Variants in CD1E observed in about 807,000 individuals in gnomAD.
CD1E encodes CD1e molecule.
CD1E carries 49 observed loss-of-function variants against 40.1 expected under a neutral mutation model. That is an observed-to-expected ratio of 1.22 (90% CI 0.97 to 1.55). CD1E has a LOEUF of 1.55. Among genes scored for constraint, CD1E ranks in the 40% most tolerant of loss-of-function variants. The pLI is 0.00. For missense variants in CD1E, 492 were observed against 471.3 expected, an observed-to-expected ratio of 1.04 and a Z score of -0.41; for synonymous variants, 189 against 178.3, an observed-to-expected ratio of 1.06 and a Z score of -0.48.
At position 158,355,587 on chromosome 1, in the gene CD1E, T is replaced by C. The variant is rs1275834990; in HGVS notation, c.625+18T>C. The C allele has an allele frequency of 3.1e-6, 5 of 1,610,348 alleles. No individual in the cohort carries two copies. Among genetic ancestry groups the C allele is most frequent in the Admixed American group, 1.7e-5 (1 of 59,652 alleles). ...ACGGAAAGGTGAGCCCAACTCTCTC[T>C]CTCCCCTCTTGTTCCTAGTACTATA... is the stretch of plus-strand genomic sequence containing the variant. On this transcript the variant is annotated intron_variant, in intron 3 of 5. Transcript: ENST00000368167.
Position 158,355,417 on chromosome 1 carries a change from C to A in CD1E, c.473C>A (p.Ser158Tyr), listed in dbSNP as rs1412585250. Reference sequence around the variant, plus strand: ...TTCCAAGGAATTTCCTGGGAGCCATCTCCAGGAGCAGGGATCCGGGCCCAG... The same window carrying A: ...TTCCAAGGAATTTCCTGGGAGCCATATCCAGGAGCAGGGATCCGGGCCCAG... Reference protein sequence around the residue: ...LSFQGISWEPSPGAGIRAQNI... With the variant: ...LSFQGISWEPYPGAGIRAQNI... The change falls in exon 3 of 6, where the codon TCT becomes TAT. Residue 158 changes from serine (S) to tyrosine (Y), a missense_variant. Transcript: ENST00000368167. 6.2e-7 allele frequency: 1 copy of A among 1,614,106 alleles called. No homozygotes were observed. Among genetic ancestry groups the A allele is most frequent in the Non-Finnish European group, 8.5e-7 (1 of 1,180,010 alleles).
Position 158,355,292 on chromosome 1 carries a change from A to C in CD1E, c.356-8A>C. 1 of 1,611,584 alleles carries C rather than the reference A, an allele frequency of 6.2e-7. No individual in the cohort carries two copies. The highest frequency in any genetic ancestry group is 8.5e-7 in the Non-Finnish European group (1 of 1,178,472). On this transcript the variant is annotated splice_polypyrimidine_tract_variant and splice_region_variant and intron_variant, in intron 2 of 5. Coordinates refer to ENST00000368167, the MANE Select transcript of CD1E (RefSeq NM_030893.4). Reference sequence around the variant, plus strand: ...CCATAATGATCTCTCTTCCCTGTCCACTCTCAGACCCCTTCGAGATCCAGA... The same window carrying C: ...CCATAATGATCTCTCTTCCCTGTCCCCTCTCAGACCCCTTCGAGATCCAGA...
At chr1:158,354,780 T>G in intron 2 of CD1E, 107 bp downstream of exon 2, 1 of 960,262 alleles carries the variant, frequency 1.0e-6, no homozygotes, top group Non-Finnish European at 1.5e-6. Context: ...ACTAACCTTG[T>G]TCCCCACTCT....
intron 1 of CD1E, 44 bp downstream of exon 1, chr1:158,354,090 G>C (rs753251534): frequency 6.5e-7 from 1 of 1,535,852 alleles, no homozygotes; most frequent in South Asian, 1.1e-5. Context: ...TAGGGCACCA[G>C]AGGGCTGAGA....
chr1:158,354,505 C>T lies in CD1E; in HGVS notation c.187C>T (p.Gln63Ter). The change falls in exon 2 of 6, where the codon CAG becomes TAG. Residue 63 changes from glutamine (Q) to a stop codon, truncating the protein, a stop_gained. Transcript: ENST00000368167. LOFTEE classifies it high-confidence loss of function. ...GGGCTCAGGATGGCTGGGTGACCTG[C>T]AGACTCATGGCTGGGACACTGTCTT... ...SEGSGWLGDL[Q>*]THGWDTVLGT... The T allele has an allele frequency of 6.2e-7, 1 of 1,614,130 alleles. No individual in the cohort carries two copies. Among genetic ancestry groups the T allele is most frequent in the Non-Finnish European group, 8.5e-7 (1 of 1,180,020 alleles).
In CD1E at chr1:158,357,053, T is replaced by A. The variant is rs1653798442; in HGVS notation, c.*157T>A. ...TTCCCCATCTTCCAGAGATTTTTTT[T>A]TTCCTGCTTTGGCTACATATCCATC... On this transcript the variant is annotated 3_prime_UTR_variant, in exon 6 of 6. Transcript: ENST00000368167. The A allele has an allele frequency of 1.6e-6, 1 of 606,244 alleles. No individual in the cohort carries two copies. Among genetic ancestry groups the A allele is most frequent in the Non-Finnish European group, 2.9e-6 (1 of 350,176 alleles). 37.6% of individuals were successfully genotyped at this position (606,244 alleles called of 1,614,324 possible).
Position 158,356,546 on chromosome 1 carries a change from C to A in CD1E, c.953C>A (p.Thr318Asn). ...CTGATCTGTTTGACTGTGATAGTTACCCTGGTCATATTGGTTGTAGTTGAC... is the reference window on the plus strand; with the variant it reads ...CTGATCTGTTTGACTGTGATAGTTAACCTGGTCATATTGGTTGTAGTTGAC... ...LILICLTVIV[T>N]LVILVVVDSR... is the part of the protein sequence containing the mutation. Residue 318 changes from threonine to asparagine, a missense_variant, in exon 5 of 6, where the codon ACC (threonine) becomes AAC (asparagine). Transcript: ENST00000368167. 6.2e-7 allele frequency: 1 copy of A among 1,613,812 alleles called. No homozygotes were observed.
In CD1E at chr1:158,356,824, C is replaced by T; in HGVS notation, c.1095C>T (p.Cys365=). The change falls in exon 6 of 6, where the codon TGC becomes TGT. Residue 365 remains cysteine, a synonymous_variant. Coordinates refer to ENST00000368167, the MANE Select transcript of CD1E (RefSeq NM_030893.4). Reference sequence around the variant, plus strand: ...CCAAGAATTCAAGACATCAGTTCTGCTTGGCACAAGTATCGTGGATCAAAA... The same window carrying T: ...CCAAGAATTCAAGACATCAGTTCTGTTTGGCACAAGTATCGTGGATCAAAA... The part of the protein sequence containing the change: ...QDTKNSRHQF[C]LAQVSWIKNR... 2 of 1,614,056 alleles carry T rather than the reference C, an allele frequency of 1.2e-6. No homozygotes were observed. Among genetic ancestry groups the T allele is most frequent in the Non-Finnish European group, 1.7e-6 (2 of 1,180,004 alleles).
chr1:158,356,289 A>T (rs1160869401), intron 4 of CD1E, 184 bp downstream of exon 4: 1 of 805,002 alleles, frequency 1.2e-6, no homozygotes, highest in Non-Finnish European at 1.9e-6. Context: ...AGAATTAGAC[A>T]TACTAACAGA....
In CD1E at chr1:158,354,463, AG is replaced by A; in HGVS notation, c.146del (p.Ser49ThrfsTer29). On this transcript the variant is annotated frameshift_variant, in exon 2 of 6. Coordinates refer to ENST00000368167, the MANE Select transcript of CD1E (RefSeq NM_030893.4). LOFTEE classifies it high-confidence loss of function. ...CCAAACTTCCTCCTTTGCCAACCAC[AG>A]CTGGGCACACAGTGAGGGCTCAGGA... is the stretch of plus-strand genomic sequence containing the variant. ...MLQTSSFANH[S>X]WAHSEGSGWL... 1 of 1,614,054 alleles carries A rather than the reference AG, an allele frequency of 6.2e-7. No individual in the cohort carries two copies. Among genetic ancestry groups the A allele is most frequent in the Non-Finnish European group, 8.5e-7 (1 of 1,179,996 alleles).
rs545733687 is a variant in CD1E at position 158,355,679 on chromosome 1, A to G, written c.625+110A>G. ...ACATAGTGAGAGACTAGAGAATGAG[A>G]TGTGTGGGTTCAGGACTGTTTCTTA... On this transcript the variant is annotated intron_variant, in intron 3 of 5. Transcript: ENST00000368167. The G allele has an allele frequency of 8.4e-6, 12 of 1,430,444 alleles. No homozygotes were observed. In the South Asian group the frequency reaches 1.5e-4, roughly 18 times the overall value. The allele number at this position is 1,430,444 out of a possible 1,614,324, so 88.6% of individuals were successfully genotyped here.
chr1:158,355,631 GC>G, intron 3 of CD1E, 62 bp downstream of exon 3: 1 of 1,537,212 alleles, frequency 6.5e-7, no homozygotes, highest in South Asian at 1.2e-5. Context: ...ATTTGAATTT[GC>G]CTCTCATCAT....
intron 4 of CD1E, 102 bp downstream of exon 4, chr1:158,356,207 G>A: frequency 1.5e-6 from 2 of 1,315,268 alleles, no homozygotes; most frequent in Admixed American, 2.3e-5. Flanking sequence ...TACAAGAAGG[G>A]TAAAACTGGG....
chr1:158,353,897 C>T lies in CD1E; in HGVS notation c.-92C>T, dbSNP rs1009757983. 15 of 988,674 alleles carry T rather than the reference C, an allele frequency of 1.5e-5. No homozygotes were observed. In the East Asian group the frequency reaches 2.2e-4, roughly 14 times the overall value. The allele number at this position is 988,674 out of a possible 1,614,324, so 61.2% of individuals were successfully genotyped here. ...TGTCTGTACAGCAAGGGAAGTCAGA[C>T]GAGAGTGCAAGAGGGTGTGGAGAGG... On this transcript the variant is annotated 5_prime_UTR_variant, in exon 1 of 6. In the 5' UTR this introduces an upstream ATG that the reference lacks. Transcript: ENST00000368167.
rs912153674 is a variant in CD1E at position 158,355,454 on chromosome 1, A to G, written c.510A>G (p.Lys170=). The G allele has an allele frequency of 1.2e-6, 2 of 1,614,132 alleles. No homozygotes were observed. The highest frequency in any genetic ancestry group is 1.7e-6 in the Non-Finnish European group (2 of 1,180,028). Residue 170 remains lysine (K), a synonymous_variant, in exon 3 of 6, where the codon AAA becomes AAG. Transcript: ENST00000368167. Reference sequence around the variant, plus strand: ...GGATCCGGGCCCAGAACATCTGTAAAGTGCTCAATCGCTACCTAGATATTA... The same window carrying G: ...GGATCCGGGCCCAGAACATCTGTAAGGTGCTCAATCGCTACCTAGATATTA... ...GAGIRAQNIC[K]VLNRYLDIKE...
In CD1E at chr1:158,356,495, C is replaced by T. The variant is rs377717173; in HGVS notation, c.905-3C>T. 4.2e-5 allele frequency: 68 copies of T among 1,601,224 alleles called. No individual in the cohort carries two copies. The highest frequency in any genetic ancestry group is 5.8e-5 in the Non-Finnish European group (68 of 1,169,192). ...TTGGTATTCTTATTCTATCCCCAACCAGGTGGATATTCCATCTTTCTCATC... is the reference window on the plus strand; with the variant it reads ...TTGGTATTCTTATTCTATCCCCAACTAGGTGGATATTCCATCTTTCTCATC... On this transcript the variant is annotated splice_region_variant and splice_polypyrimidine_tract_variant and intron_variant, in intron 4 of 5. Coordinates refer to ENST00000368167, the MANE Select transcript of CD1E (RefSeq NM_030893.4).
In CD1E at chr1:158,354,606, G is replaced by C; in HGVS notation, c.288G>C (p.Leu96=). Residue 96 remains leucine (L), a synonymous_variant, in exon 2 of 6, where the codon CTG becomes CTC. Coordinates refer to ENST00000368167, the MANE Select transcript of CD1E (RefSeq NM_030893.4). ...AGGAGCTGAAAAACTTACAGTCACTGTTCCAGTTATACTTCCATAGTTTTA... is the reference window on the plus strand; with the variant it reads ...AGGAGCTGAAAAACTTACAGTCACTCTTCCAGTTATACTTCCATAGTTTTA... ...SKQELKNLQS[L]FQLYFHSFIQ... is the part of the protein sequence containing the mutation. The C allele has an allele frequency of 1.2e-6, 2 of 1,614,136 alleles. No individual in the cohort carries two copies. Among genetic ancestry groups the C allele is most frequent in the Non-Finnish European group, 1.7e-6 (2 of 1,180,012 alleles).
Position 158,356,102 on chromosome 1 carries a change from T to TG in CD1E, c.904+1dup. ...AGGGGGCCATGATCTAATCATCCATTGGGGTGAGAAACAGCTGAGGCTCTG... is the reference window on the plus strand; with the variant it reads ...AGGGGGCCATGATCTAATCATCCATTGGGGGTGAGAAACAGCTGAGGCTCTG... On this transcript the variant is annotated frameshift_variant, in exon 4 of 6. Coordinates refer to ENST00000368167, the MANE Select transcript of CD1E (RefSeq NM_030893.4). LOFTEE classifies it high-confidence loss of function. 1 of 1,613,612 alleles carries TG rather than the reference T, an allele frequency of 6.2e-7. No homozygotes were observed. The highest frequency in any genetic ancestry group is 8.5e-7 in the Non-Finnish European group (1 of 1,179,752).
In CD1E at chr1:158,356,929, C is replaced by T; in HGVS notation, c.*33C>T. ...TTTACCTTATACATAAAATCCTTGT[C>T]TGCATCTTCTTAAACACCGTCCATG... On this transcript the variant is annotated 3_prime_UTR_variant, in exon 6 of 6. Coordinates refer to ENST00000368167, the MANE Select transcript of CD1E (RefSeq NM_030893.4). The T allele has an allele frequency of 6.3e-7, 1 of 1,580,748 alleles. No homozygotes were observed.
Sources: allele counts gnomAD v4.1 joint callset, GRCh38; gene constraint gnomAD v4.1.1; transcripts MANE v1.5; gene names NCBI Gene and HGNC (gene_info 2026-07-23, HGNC 2026-07-21).